Variants in TEX10 observed in about 807,000 individuals in gnomAD.
TEX10 encodes the protein testis expressed 10.
In TEX10, 24 loss-of-function variants were observed where a neutral mutation model predicts 104.4. The observed-to-expected ratio is 0.23, with a 90% confidence interval of 0.17 to 0.32. TEX10 has a LOEUF of 0.32. Among genes scored for constraint, TEX10 ranks in the 10% least tolerant of loss-of-function variants. TEX10 has a pLI of 1.00. For synonymous variants in TEX10, 396 were observed against 393.4 expected, an observed-to-expected ratio of 1.01 and a Z score of -0.08; for missense variants, 921 against 1,083.9, an observed-to-expected ratio of 0.85 and a Z score of 2.11.
chr9:100,351,409 G>A (rs1181635559), intron 1 of TEX10, among the ~76,000 whole-genome samples: 1 of 145,698 alleles, frequency 6.9e-6, no homozygotes, highest in Non-Finnish European at 1.5e-5. Context: ...TCGGTGGGTG[G>A]GTGGGTGGGA....
chr9:100,347,887 A>G (rs1835342199), intron 2 of TEX10, among the ~76,000 whole-genome samples: 1 of 152,210 alleles, frequency 6.6e-6, no homozygotes, highest in Non-Finnish European at 1.5e-5. Context: ...ACTCTTTAGT[A>G]TTATTTAAAC....
chr9:100,340,275 CT>C lies in TEX10; in HGVS notation c.1231del (p.Arg411GlyfsTer18). The C allele has an allele frequency of 6.4e-7, 1 of 1,561,774 alleles. No individual in the cohort carries two copies. On this transcript the variant is annotated frameshift_variant, in exon 5 of 15. Transcript: ENST00000374902. LOFTEE classifies it high-confidence loss of function. ...ATAATACCTTTTATTTGGCTCTTTC[CT>C]TTTGTGCTTGGTTATTTCTTTTAAG... The part of the protein sequence containing the change: ...YVLKEITKHK[R>X]KEPNKSIKHC...
At chr9:100,334,544 G>A (rs559141772) in intron 5 of TEX10, among the ~76,000 whole-genome samples, 1 of 152,196 alleles carries the variant, frequency 6.6e-6, no homozygotes, top group Admixed American at 6.5e-5. Flanking sequence ...TAAATCTAAG[G>A]ACAGAATTCA....
intron 14 of TEX10, 82 bp downstream of exon 14, chr9:100,303,550 C>G (rs958868836): frequency 3.4e-5 from 50 of 1,491,592 alleles, no homozygotes; most frequent in Non-Finnish European, 1.9e-6. Context: ...TTTCCTCCCT[C>G]AAAACACACT....
At chr9:100,328,443 C>T (rs1834763579) in intron 7 of TEX10, among the ~76,000 whole-genome samples, 1 of 152,160 alleles carries the variant, frequency 6.6e-6, no homozygotes. Context: ...GAACTTAAGT[C>T]TCAGCTCTGC....
rs1834790496 is a variant in TEX10 at position 100,329,262 on chromosome 9, A to G, written c.1503T>C (p.Thr501=). The change falls in exon 7 of 15, where the codon ACT becomes ACC. Residue 501 remains threonine, a synonymous_variant. Coordinates refer to ENST00000374902, the MANE Select transcript of TEX10 (RefSeq NM_017746.4). The stretch of plus-strand genomic sequence containing the variant: ...ATAATGTATAAACTGCCTTAATAAG[A>G]GTCTCTGTGTCCTCTACAAACAGAA... The part of the protein sequence containing the change: ...QIQPNREDTE[T]LIKAVYTLYQ... The G allele has an allele frequency of 6.2e-7, 1 of 1,605,702 alleles. No individual in the cohort carries two copies. Among genetic ancestry groups the G allele is most frequent in the Non-Finnish European group, 8.5e-7 (1 of 1,178,240 alleles).
rs200390226 is a variant in TEX10, at chr9:100,330,081, C to T, written c.1339G>A (p.Ala447Thr). 2 of 1,613,988 alleles carry T rather than the reference C, an allele frequency of 1.2e-6. No individual in the cohort carries two copies. Among genetic ancestry groups the T allele is most frequent in the East Asian group, 2.2e-5 (1 of 44,878 alleles). ...LSDIMVSLAN[A>T]STLQKDCSWI... The stretch of plus-strand genomic sequence containing the variant: ...CTGCAATCCTTCTGCAAAGTTGACG[C>T]ATTTGCCAGGGAGACCATGATATCA... Residue 447 changes from alanine (A) to threonine (T), a missense_variant, in exon 6 of 15, where the codon GCG becomes ACG. Physicochemically the swap from Ala to Thr is moderately conservative, Grantham distance 58 (BLOSUM62 0). Coordinates refer to ENST00000374902, the MANE Select transcript of TEX10 (RefSeq NM_017746.4).
chr9:100,340,397 T>G, intron 4 of TEX10, 28 bp from the exon 5 acceptor site: 1 of 1,368,230 alleles, frequency 7.3e-7, no homozygotes, highest in South Asian at 1.4e-5. Flanking sequence ...ATTAGAAAAA[T>G]CTACAAGAAA....
At chr9:100,305,358 T>C (rs993538079) in intron 13 of TEX10, 1 of 152,108 alleles carries the variant, frequency 6.6e-6, no homozygotes, top group Non-Finnish European at 1.5e-5. Context: ...CTAGGCCAAA[T>C]AGATACTCTT....
chr9:100,313,138 A>G (rs1480809251), intron 11 of TEX10, among the ~76,000 whole-genome samples: 2 of 152,224 alleles, frequency 1.3e-5, no homozygotes, highest in Non-Finnish European at 2.9e-5. Flanking sequence ...GCCAGGAGAG[A>G]ATATTACTTC....
chr9:100,336,354 T>C (rs1835009012), intron 5 of TEX10, among the ~76,000 whole-genome samples: 1 of 152,218 alleles, frequency 6.6e-6, no homozygotes, highest in Non-Finnish European at 1.5e-5. Context: ...AAGATTGTTC[T>C]GTATTTACAG....
intron 5 of TEX10, among the ~76,000 whole-genome samples, chr9:100,334,271 A>C (rs892096171): frequency 4.3e-4 from 65 of 152,124 alleles, no homozygotes; most frequent in Non-Finnish European, 1.5e-4. Flanking sequence ...GAAAAAAAAA[A>C]CACAGATAAC....
At position 100,352,418 on chromosome 9, in the gene TEX10, C is replaced by A. The variant is rs572004007; in HGVS notation, c.-10+354G>T. ...TGCATCCATCCCAGAGGCGAACACA[C>A]CATGGGTTTTAGGAAACCATCGTTC... On this transcript the variant is annotated intron_variant, in intron 1 of 14. Transcript: ENST00000374902. 32 of 1,551,782 alleles carry A rather than the reference C, an allele frequency of 2.1e-5. No homozygotes were observed. The South Asian group carries it at 2.3e-4, about 11-fold the overall frequency.
In TEX10 at chr9:100,349,292, C is replaced by G; in HGVS notation, c.72G>C (p.Lys24Asn). 6.2e-7 allele frequency: 1 copy of G among 1,604,276 alleles called. No individual in the cohort carries two copies. Among genetic ancestry groups the G allele is most frequent in the Non-Finnish European group, 8.5e-7 (1 of 1,177,222 alleles). ...VKLKVGKKKP[K>N]LQNATPTNFK... The stretch of plus-strand genomic sequence containing the variant: ...AGTTTGTAGGAGTAGCATTTTGTAA[C>G]TTGGGCTTCTTTTTACCAACTTTCA... The change falls in exon 2 of 15, where the codon AAG becomes AAC. Residue 24 changes from lysine (K) to asparagine (N), a missense_variant. Lys to Asn is a moderately conservative substitution (Grantham distance 94, BLOSUM62 0). This residue lies in a region of TEX10 where 118 missense variants were observed against 111.3 expected (regional missense o/e 1.06). Coordinates refer to ENST00000374902, the MANE Select transcript of TEX10 (RefSeq NM_017746.4).
chr9:100,349,734 G>A (rs963407865), intron 1 of TEX10, among the ~76,000 whole-genome samples: 1 of 152,024 alleles, frequency 6.6e-6, no homozygotes, highest in Non-Finnish European at 1.5e-5. Flanking sequence ...TGTATCTGCT[G>A]GTGTGCTCCT....
Position 100,327,826 on chromosome 9 carries a change from A to G in TEX10, c.1762T>C (p.Leu588=), listed in dbSNP as rs779726498. Residue 588 remains leucine (L), a synonymous_variant, in exon 8 of 15, where the codon TTA becomes CTA. Transcript: ENST00000374902. ...HTAAARANKE[L]LKSLQATALR... is the part of the protein sequence containing the mutation. ...GCAGTAGCTTGTAAACTTTTTAGTA[A>G]TTCTTTATTTGCTCGTGCTGCAGCG... is the stretch of plus-strand genomic sequence containing the variant. The G allele has an allele frequency of 4.4e-6, 7 of 1,596,068 alleles. No individual in the cohort carries two copies. The highest frequency in any genetic ancestry group is 2.2e-5 in the East Asian group (1 of 44,698).
chr9:100,305,853 T>A (rs555557015), intron 13 of TEX10: 1 of 152,176 alleles, frequency 6.6e-6, no homozygotes, highest in Admixed American at 6.5e-5. Flanking sequence ...AATGCAAATG[T>A]CAAACTATCC....
intron 10 of TEX10, among the ~76,000 whole-genome samples, chr9:100,320,634 G>T (rs1397500600): frequency 6.6e-6 from 1 of 152,114 alleles, no homozygotes; most frequent in Non-Finnish European, 1.5e-5. Flanking sequence ...AATATAGCAA[G>T]AAACAGGTTT....
chr9:100,334,263 A>G (rs981120533), intron 5 of TEX10, among the ~76,000 whole-genome samples: 4 of 150,958 alleles, frequency 2.6e-5, no homozygotes, highest in African/African-American at 9.7e-5. Flanking sequence ...TTTAGGGGGA[A>G]AAAAAAAACA....
Sources: allele counts gnomAD v4.1 joint callset (sites outside exome capture counted in the v4.1 genomes callset), GRCh38; gene constraint gnomAD v4.1.1; regional missense constraint gnomAD v4.1.1; transcripts MANE v1.5; gene names NCBI Gene and HGNC (gene_info 2026-07-23, HGNC 2026-07-21).